MAU2: variants seen among roughly 807,000 people sequenced by gnomAD.
MAU2 encodes the protein MAU2 chromatid cohesion factor homolog.
MAU2 carries 9 observed loss-of-function variants against 89.1 expected under a neutral mutation model. That is an observed-to-expected ratio of 0.10 (90% confidence interval 0.06 to 0.18). MAU2 has a LOEUF of 0.18. MAU2 is among the 10% of genes least tolerant of loss of function. The probability of loss-of-function intolerance (pLI) is 1.00; values close to 1 mark genes in which losing one functional copy is unlikely to be tolerated. For missense variants in MAU2, 425 were observed against 803.5 expected (o/e 0.53, Z 5.69); for synonymous variants, 357 against 343.4 (o/e 1.04, Z -0.44).
In MAU2 at chr19:19,321,097, A is replaced by G; in HGVS notation, c.238A>G (p.Lys80Glu). The change falls in exon 1 of 19, where the codon AAG becomes GAG. Residue 80 changes from lysine (K) to glutamate (E), a missense_variant. By Grantham distance (56) the Lys-to-Glu change is moderately conservative (BLOSUM62 1). Transcript: ENST00000262815. ...QLGSVLYHHTKNSEQARSHLE... is the reference protein window; with the variant it reads ...QLGSVLYHHTENSEQARSHLE... Reference sequence around the variant, plus strand: ...GGGCTCCGTTCTCTATCACCACACCAAGAACAGCGAGCAGGCGCGCAGCCA... The same window carrying G: ...GGGCTCCGTTCTCTATCACCACACCGAGAACAGCGAGCAGGCGCGCAGCCA... 6.2e-7 allele frequency: 1 copy of G among 1,605,732 alleles called. No homozygotes were observed. The highest frequency in any genetic ancestry group is 8.5e-7 in the Non-Finnish European group (1 of 1,176,764).
chr19:19,328,476 C>T (rs1267233425), intron 1 of MAU2, among the ~76,000 whole-genome samples: 1 of 150,278 alleles, frequency 6.7e-6, no homozygotes, highest in African/African-American at 2.5e-5. Flanking sequence ...GGTTGGAGTG[C>T]AGTGGCGTGA....
Position 19,335,931 on chromosome 19 carries a change from T to C in MAU2, c.295-191T>C, listed in dbSNP as rs568804535. On this transcript the variant is annotated intron_variant, in intron 2 of 18. Transcript: ENST00000262815. ...TCCTCTTTGTGCTTCTCTTCGTACC[T>C]TGCATCCAGCTCCAAGCCCTGCCCT... Among the ~76,000 whole-genome samples, 13 of 152,240 alleles carry C rather than the reference T, an allele frequency of 8.5e-5. No homozygotes were observed. The South Asian group carries it at 2.7e-3, about 32-fold the overall frequency.
In MAU2 at chr19:19,340,708, T is replaced by A. The variant is rs1014642625; in HGVS notation, c.552-138T>A. ...AATAGGATAAAACAGAGCAGTCTTGTAAGGGGACTGTTCTCTGTTGTCCAC... is the reference window on the plus strand; with the variant it reads ...AATAGGATAAAACAGAGCAGTCTTGAAAGGGGACTGTTCTCTGTTGTCCAC... On this transcript the variant is annotated intron_variant, in intron 5 of 18. Transcript: ENST00000262815. 31 of 614,276 alleles carry A rather than the reference T, an allele frequency of 5.0e-5. No individual in the cohort carries two copies. In the Middle Eastern group the frequency reaches 1.6e-3, roughly 32 times the overall value. 38.1% of individuals were successfully genotyped at this position (614,276 alleles called of 1,614,324 possible).
chr19:19,344,871 G>T lies in MAU2; in HGVS notation c.1100G>T (p.Cys367Phe). 1.2e-6 allele frequency: 2 copies of T among 1,613,772 alleles called. No homozygotes were observed. The highest frequency in any genetic ancestry group is 1.3e-5 in the African/African-American group (1 of 75,050). ...CAGATCTCCCAGGTCTGCCAGCTGT[G>T]CCAGCAGTCCCCCCGGCTCTTCTCC... ...LQEISQVCQLCQQSPRLFSNH... is the reference protein window; with the variant it reads ...LQEISQVCQLFQQSPRLFSNH... The change falls in exon 11 of 19, where the codon TGC becomes TTC. Residue 367 changes from cysteine (C) to phenylalanine (F), a missense_variant. Cys to Phe is a radical substitution (Grantham distance 205). Around this residue, in one of 11 missense-constraint regions of MAU2, gnomAD observed 39 missense variants for 56.3 expected, o/e 0.69. Coordinates refer to ENST00000262815, the MANE Select transcript of MAU2 (RefSeq NM_015329.4).
At chr19:19,339,884 C>T (rs768296261) in intron 5 of MAU2, among the ~76,000 whole-genome samples, 3 of 151,014 alleles carry the variant, frequency 2.0e-5, no homozygotes, top group Admixed American at 6.6e-5. Flanking sequence ...ATTAGCCAGG[C>T]ATGGCCGGGC....
chr19:19,322,894 T>A (rs1259826908), intron 1 of MAU2, among the ~76,000 whole-genome samples: 1 of 152,156 alleles, frequency 6.6e-6, no homozygotes, highest in Non-Finnish European at 1.5e-5. Context: ...TTATTTTATT[T>A]ATTTGTTTAT....
At position 19,355,848 on chromosome 19, in the gene MAU2, C is replaced by A; in HGVS notation, c.*66C>A. On this transcript the variant is annotated 3_prime_UTR_variant, in exon 19 of 19. Transcript: ENST00000262815. ...CTCCGGCTTCCACCCAGACGGCACT[C>A]AAGCCTGCCCCCGAGGCGTGCTTCC... The A allele has an allele frequency of 7.0e-7, 1 of 1,420,002 alleles. No homozygotes were observed. The highest frequency in any genetic ancestry group is 9.8e-7 in the Non-Finnish European group (1 of 1,016,880). 88.0% of individuals were successfully genotyped at this position (1,420,002 alleles called of 1,614,324 possible).
At position 19,321,073 on chromosome 19, in the gene MAU2, G is replaced by A. The variant is rs2061449205; in HGVS notation, c.214G>A (p.Gly72Ser). The change falls in exon 1 of 19, where the codon GGC (glycine) becomes AGC (serine). Residue 72 changes from glycine (G) to serine (S), a missense_variant. Physicochemically the swap from Gly to Ser is moderately conservative, Grantham distance 56 (BLOSUM62 0). This residue lies in a region of MAU2 where 57 missense variants were observed against 57.5 expected (regional missense o/e 0.99). Coordinates refer to ENST00000262815, the MANE Select transcript of MAU2 (RefSeq NM_015329.4). ...CGAGGCCCGTACACACCTGCAGCTG[G>A]GCTCCGTTCTCTATCACCACACCAA... is the stretch of plus-strand genomic sequence containing the variant. ...RIEARTHLQL[G>S]SVLYHHTKNS... 1 of 1,611,852 alleles carries A rather than the reference G, an allele frequency of 6.2e-7. No individual in the cohort carries two copies. The highest frequency in any genetic ancestry group is 8.5e-7 in the Non-Finnish European group (1 of 1,179,300).
At chr19:19,349,074 T>C (rs1022191759) in intron 14 of MAU2, 81 bp from the exon 15 acceptor site, 3 of 1,559,166 alleles carry the variant, frequency 1.9e-6, no homozygotes, top group Admixed American at 1.7e-5. Context: ...CTCTCAGAAA[T>C]AGCCCCCAGC....
intron 9 of MAU2, among the ~76,000 whole-genome samples, chr19:19,343,482 C>G (rs907741759): frequency 6.6e-6 from 1 of 152,164 alleles, no homozygotes; most frequent in Non-Finnish European, 1.5e-5. Flanking sequence ...GTCCCCCTAC[C>G]CGACTGCCTG....
intron 1 of MAU2, among the ~76,000 whole-genome samples, chr19:19,323,474 G>A (rs1049564543): frequency 1.3e-5 from 2 of 152,128 alleles, no homozygotes; most frequent in African/African-American, 4.8e-5. Context: ...GATTATAGGT[G>A]TGAGTCACCA....
chr19:19,349,479 G>A, intron 16 of MAU2, 43 bp downstream of exon 16: 1 of 1,563,212 alleles, frequency 6.4e-7, no homozygotes, highest in Non-Finnish European at 8.8e-7. Context: ...TGCCTGTGGG[G>A]CTTGGCTGAG....
At chr19:19,337,743 G>T (rs1434165541) in intron 4 of MAU2, among the ~76,000 whole-genome samples, 1 of 152,066 alleles carries the variant, frequency 6.6e-6, no homozygotes, top group Non-Finnish European at 1.5e-5. Flanking sequence ...TCCCACATGG[G>T]GCCCCTCACG....
intron 1 of MAU2, among the ~76,000 whole-genome samples, chr19:19,330,801 C>T (rs972347438): frequency 2.6e-5 from 4 of 151,330 alleles, no homozygotes; most frequent in South Asian, 2.1e-4. Context: ...CTTGGGAGAC[C>T]GAGCCAGGAG....
At chr19:19,335,153 T>A (rs1287245593) in intron 1 of MAU2, among the ~76,000 whole-genome samples, 1 of 152,218 alleles carries the variant, frequency 6.6e-6, no homozygotes, top group Non-Finnish European at 1.5e-5. Context: ...ATCCCGCAGT[T>A]CTGCCTGTGT....
intron 17 of MAU2, 194 bp downstream of exon 17, chr19:19,354,639 T>C (rs1203834798): frequency 1.6e-6 from 1 of 607,644 alleles, no homozygotes; most frequent in Non-Finnish European, 3.0e-6. Flanking sequence ...GGCATCCGCT[T>C]GACTCGGGGT....
chr19:19,345,238 C>A lies in MAU2; in HGVS notation c.1156-66C>A. On this transcript the variant is annotated intron_variant, in intron 11 of 18. Coordinates refer to ENST00000262815, the MANE Select transcript of MAU2 (RefSeq NM_015329.4). This position sits in a 1 kb window ranked among gnomAD's most constrained non-coding sequence, Gnocchi z 4.9. ...GCAGCCGTGCAGGCCCCGGGCACACCACGTGTCTCTGATCTGAGCCCCCTC... is the reference window on the plus strand; with the variant it reads ...GCAGCCGTGCAGGCCCCGGGCACACAACGTGTCTCTGATCTGAGCCCCCTC... The A allele has an allele frequency of 1.4e-6, 2 of 1,431,420 alleles. No homozygotes were observed. Among genetic ancestry groups the A allele is most frequent in the Non-Finnish European group, 2.0e-6 (2 of 1,015,426 alleles). The allele number at this position is 1,431,420 out of a possible 1,614,324, so 88.7% of individuals were successfully genotyped here. A position where few individuals can be genotyped will look rare whatever the true frequency, so the allele number is the denominator to read the frequency against.
chr19:19,322,127 A>G (rs1416967298), intron 1 of MAU2, among the ~76,000 whole-genome samples: 1 of 151,596 alleles, frequency 6.6e-6, no homozygotes, highest in Non-Finnish European at 1.5e-5. Flanking sequence ...CCTCCTGAGT[A>G]GCTGAGACTA....
intron 1 of MAU2, among the ~76,000 whole-genome samples, chr19:19,325,999 ATT>A (rs34191015): frequency 3.4e-5 from 4 of 117,198 alleles, no homozygotes; most frequent in Non-Finnish European, 3.5e-5. Context: ...CCTCAACTGC[ATT>A]TTTTTTTTTT....
Sources: gnomAD v4.1 joint callset for allele counts (sites outside exome capture counted in the v4.1 genomes callset) on GRCh38, gnomAD v4.1.1 for gene constraint, gnomAD v4.1.1 regional missense constraint, Gnocchi (gnomAD v3.1) non-coding constraint, MANE v1.5 for transcripts, NCBI Gene and HGNC (gene_info 2026-07-23, HGNC 2026-07-21) for gene names.